Variants in RABEPK observed in about 807,000 individuals in gnomAD.
The protein encoded by RABEPK is Rab9 effector protein with kelch motifs.
Under a neutral mutation model 34.1 loss-of-function variants are expected in RABEPK, and 27 were observed. The observed-to-expected ratio is 0.79, with a 90% CI of 0.58 to 1.09. The LOEUF is 1.09. Ranked by LOEUF, RABEPK falls within the 50% of genes least tolerant of loss-of-function variation. The probability of loss-of-function intolerance (pLI) is 0.00; values close to 1 mark genes in which losing one functional copy is unlikely to be tolerated. For synonymous variants in RABEPK, 172 were observed against 169.2 expected (o/e 1.02, Z -0.13); for missense variants, 449 against 462.6 (o/e 0.97, Z 0.27).
intron 4 of RABEPK, among the ~76,000 whole-genome samples, chr9:125,214,388 A>AT (rs1437468143): frequency 6.6e-6 from 1 of 152,172 alleles, no homozygotes; most frequent in African/African-American, 2.4e-5. Context: ...ACAGGGAAGA[A>AT]TTGTCTGGTC....
At chr9:125,209,014 A>G (rs972264029) in intron 3 of RABEPK, among the ~76,000 whole-genome samples, 2 of 150,696 alleles carry the variant, frequency 1.3e-5, no homozygotes, top group Non-Finnish European at 2.9e-5. Flanking sequence ...TAAAATACAA[A>G]TCTAACCATG....
intron 5 of RABEPK, among the ~76,000 whole-genome samples, chr9:125,223,024 G>A (rs1250888430): frequency 6.6e-6 from 1 of 151,934 alleles, no homozygotes; most frequent in East Asian, 1.9e-4. Context: ...GCTCACGCCT[G>A]TAATCCCAGC....
chr9:125,233,674 C>T lies in RABEPK; in HGVS notation c.827-14C>T, dbSNP rs1469143673. ...AAATTTCTTAACATGAAGCCTTTTC[C>T]CTCCCCAACATAGAAGAGCAGCATT... On this transcript the variant is annotated splice_polypyrimidine_tract_variant and intron_variant, in intron 7 of 7. Transcript: ENST00000373538. The T allele has an allele frequency of 1.1e-5, 17 of 1,604,298 alleles. No homozygotes were observed. The highest frequency in any genetic ancestry group is 1.4e-5 in the Non-Finnish European group (17 of 1,173,356).
chr9:125,226,472 C>T (rs532623588), intron 5 of RABEPK, among the ~76,000 whole-genome samples: 2 of 152,178 alleles, frequency 1.3e-5, no homozygotes, highest in Admixed American at 1.3e-4. Context: ...ACACCTATAT[C>T]CTAGCACTTT....
At chr9:125,218,755 T>C (rs1564186458) in intron 4 of RABEPK, among the ~76,000 whole-genome samples, 1 of 152,146 alleles carries the variant, frequency 6.6e-6, no homozygotes, top group Non-Finnish European at 1.5e-5. Context: ...TTCTTTGCCT[T>C]ATTCTGTAAC....
rs570447164 is a variant in RABEPK at position 125,203,176 on chromosome 9, T to A, written c.53+110T>A. On this transcript the variant is annotated intron_variant, in intron 2 of 7. Transcript: ENST00000373538. ...AAAAAGGGGTAGAGATGAAACTGTCTGCAGTTTCTGGTAATTAGACTCAAA... is the reference window on the plus strand; with the variant it reads ...AAAAAGGGGTAGAGATGAAACTGTCAGCAGTTTCTGGTAATTAGACTCAAA... The A allele has an allele frequency of 1.9e-4, 164 of 875,838 alleles. No homozygotes were observed. In the African/African-American group the frequency reaches 2.6e-3, roughly 14 times the overall value. 54.3% of individuals were successfully genotyped at this position (875,838 alleles called of 1,614,324 possible). A position where few individuals can be genotyped will look rare whatever the true frequency, so the allele number is the denominator to read the frequency against.
intron 4 of RABEPK, among the ~76,000 whole-genome samples, chr9:125,218,321 CAAAAAAAAAA>C (rs71374234): frequency 3.6e-4 from 15 of 41,170 alleles, no homozygotes; most frequent in African/African-American, 8.1e-4. Context: ...GACTCCGTCT[CAAAAAAAAAA>C]AAAAAAAAAA....
At chr9:125,209,653 A>G (rs940236204) in intron 3 of RABEPK, among the ~76,000 whole-genome samples, 4 of 151,856 alleles carry the variant, frequency 2.6e-5, no homozygotes, top group Non-Finnish European at 5.9e-5. Context: ...CCCGGCCCCA[A>G]CCTCATTTCT....
At position 125,234,042 on chromosome 9, in the gene RABEPK, G is replaced by A. The variant is rs1832418469; in HGVS notation, c.*62G>A. 7.1e-7 allele frequency: 1 copy of A among 1,408,402 alleles called. No homozygotes were observed. The highest frequency in any genetic ancestry group is 1.4e-5 in the African/African-American group (1 of 69,388). The allele number at this position is 1,408,402 out of a possible 1,614,324, so 87.2% of individuals were successfully genotyped here. ...AGAATAGTTAAGTAAAACATTAGCT[G>A]TTTTATACCTCCAAAATATCTTCTG... On this transcript the variant is annotated 3_prime_UTR_variant, in exon 8 of 8. Coordinates refer to ENST00000373538, the MANE Select transcript of RABEPK (RefSeq NM_005833.4).
intron 2 of RABEPK, among the ~76,000 whole-genome samples, chr9:125,206,144 A>G (rs1257009824): frequency 6.6e-6 from 1 of 152,134 alleles, no homozygotes; most frequent in Non-Finnish European, 1.5e-5. Flanking sequence ...CCTGAAAAAC[A>G]GCTACAGAAT....
intron 5 of RABEPK, among the ~76,000 whole-genome samples, chr9:125,227,325 C>T (rs1831830949): frequency 1.3e-5 from 2 of 151,982 alleles, no homozygotes; most frequent in African/African-American, 4.8e-5. Flanking sequence ...TATTTCATAG[C>T]GAGAAATGGC....
At chr9:125,224,188 T>G (rs1198235395) in intron 5 of RABEPK, among the ~76,000 whole-genome samples, 1 of 145,822 alleles carries the variant, frequency 6.9e-6, no homozygotes, top group African/African-American at 2.5e-5. Context: ...AGAGCAACAC[T>G]CTATCTCAAA....
chr9:125,223,682 A>C (rs1403537056), intron 5 of RABEPK, among the ~76,000 whole-genome samples: 3 of 144,042 alleles, frequency 2.1e-5, no homozygotes. Context: ...CCATAATTGC[A>C]CCACTGCACT....
chr9:125,210,719 A>AG (rs1457041130), intron 3 of RABEPK, among the ~76,000 whole-genome samples: 1 of 151,568 alleles, frequency 6.6e-6, no homozygotes, highest in Non-Finnish European at 1.5e-5. Context: ...AAAAAAAAAA[A>AG]AAAGAAAATA....
chr9:125,215,706 G>A (rs764205437), intron 4 of RABEPK, among the ~76,000 whole-genome samples: 6 of 151,822 alleles, frequency 4.0e-5, no homozygotes, highest in Non-Finnish European at 7.4e-5. Context: ...GTTCTTTTCA[G>A]GTTTTTACCA....
intron 6 of RABEPK, among the ~76,000 whole-genome samples, chr9:125,230,416 G>C (rs1832084238): frequency 6.6e-6 from 1 of 152,182 alleles, no homozygotes; most frequent in South Asian, 2.1e-4. Context: ...CTCCATGACA[G>C]CTGAGGCCAG....
At chr9:125,216,842 C>T (rs1243005953) in intron 4 of RABEPK, among the ~76,000 whole-genome samples, 3 of 152,034 alleles carry the variant, frequency 2.0e-5, no homozygotes, top group Non-Finnish European at 4.4e-5. Flanking sequence ...TGGCAGGTGC[C>T]TGTGGTCCCA....
At chr9:125,220,431 GC>G (rs764939149) in intron 4 of RABEPK, 107 bp from the exon 5 acceptor site, 60 of 1,499,988 alleles carry the variant, frequency 4.0e-5, no homozygotes, top group Middle Eastern at 1.8e-4. Context: ...AACTATGCTG[GC>G]CCCCCTGGGG....
At position 125,230,246 on chromosome 9, in the gene RABEPK, G is replaced by A. The variant is rs562792338; in HGVS notation, c.676+2187G>A. On this transcript the variant is annotated intron_variant, in intron 6 of 7. Coordinates refer to ENST00000373538, the MANE Select transcript of RABEPK (RefSeq NM_005833.4). Reference sequence around the variant, plus strand: ...CTCAAAGTGCTGGGATTATAGGCGTGAACCACTGCTCCCGGCTCATACCTG... The same window carrying A: ...CTCAAAGTGCTGGGATTATAGGCGTAAACCACTGCTCCCGGCTCATACCTG... Among the ~76,000 whole-genome samples the A allele has an allele frequency of 1.4e-4, 21 of 152,248 alleles. No homozygotes were observed. In the South Asian group the frequency reaches 3.7e-3, roughly 27 times the overall value.
Sources: gnomAD v4.1 joint callset for allele counts (sites outside exome capture counted in the v4.1 genomes callset) on GRCh38, gnomAD v4.1.1 for gene constraint, MANE v1.5 for transcripts, NCBI Gene and HGNC (gene_info 2026-07-23, HGNC 2026-07-21) for gene names.